KSR2: variants seen among roughly 807,000 people sequenced by gnomAD.
KSR2 encodes kinase suppressor of ras 2.
Under a neutral mutation model 107.8 loss-of-function variants are expected in KSR2, and 25 were observed. That is an observed-to-expected ratio of 0.23 (90% confidence interval 0.17 to 0.32). KSR2 has a LOEUF of 0.32. Ranked by LOEUF, KSR2 falls within the 10% of genes least tolerant of loss-of-function variation. KSR2 has a pLI of 1.00. For missense variants in KSR2, 887 were observed against 1,268.9 expected (o/e 0.70, Z 4.57); for synonymous variants, 480 against 507.0 (o/e 0.95, Z 0.71).
chr12:117,846,992 G>A (rs1033216824), intron 3 of KSR2, among the ~76,000 whole-genome samples: 1 of 152,238 alleles, frequency 6.6e-6, no homozygotes, highest in Admixed American at 6.5e-5. Flanking sequence ...GCGCCTAAGC[G>A]CGTTCGCATC....
At chr12:117,688,219 A>C (rs1885659666) in intron 4 of KSR2, among the ~76,000 whole-genome samples, 1 of 152,310 alleles carries the variant, frequency 6.6e-6, no homozygotes, top group South Asian at 2.1e-4. Context: ...GTCTCTACGA[A>C]AAATACAAAA....
intron 9 of KSR2, among the ~76,000 whole-genome samples, chr12:117,549,724 G>A (rs1877153925): frequency 6.6e-6 from 1 of 152,146 alleles, no homozygotes; most frequent in Admixed American, 6.5e-5. Context: ...ACTCATCTTG[G>A]AATCTGCAAA....
At chr12:117,660,021 C>T (rs530299712) in intron 5 of KSR2, among the ~76,000 whole-genome samples, 3 of 152,166 alleles carry the variant, frequency 2.0e-5, no homozygotes, top group Non-Finnish European at 4.4e-5. Flanking sequence ...TTCTCTCCCC[C>T]ACATCAGGCT....
chr12:117,619,743 T>C (rs1051683552), intron 5 of KSR2, among the ~76,000 whole-genome samples: 9 of 151,642 alleles, frequency 5.9e-5, no homozygotes, highest in African/African-American at 2.2e-4. Flanking sequence ...ATGAGGCCAA[T>C]TAATCATCTC....
chr12:117,711,069 T>C (rs1053365169), intron 4 of KSR2, among the ~76,000 whole-genome samples: 1 of 152,246 alleles, frequency 6.6e-6, no homozygotes, highest in Non-Finnish European at 1.5e-5. Flanking sequence ...CTCATTGCAC[T>C]CTACATTTTC....
At chr12:117,469,551 A>G (rs1871316790) in intron 19 of KSR2, 111 bp downstream of exon 19, 4 of 1,306,180 alleles carry the variant, frequency 3.1e-6, no homozygotes, top group Non-Finnish European at 4.3e-6. Flanking sequence ...GGGTGGGCAC[A>G]TGGATAGGAG....
At chr12:117,731,996 A>T (rs997703738) in intron 4 of KSR2, among the ~76,000 whole-genome samples, 9 of 149,394 alleles carry the variant, frequency 6.0e-5, no homozygotes, top group African/African-American at 1.2e-4. Flanking sequence ...ACCCTGCCAA[A>T]TCCCCCTCTC....
At chr12:117,615,443 T>G (rs1881826118) in intron 5 of KSR2, among the ~76,000 whole-genome samples, 1 of 152,124 alleles carries the variant, frequency 6.6e-6, no homozygotes, top group South Asian at 2.1e-4. Flanking sequence ...AAGTCTTCAG[T>G]CTTCAGTAAG....
chr12:117,792,028 G>A (rs1890269025), intron 3 of KSR2, among the ~76,000 whole-genome samples: 1 of 152,062 alleles, frequency 6.6e-6, no homozygotes, highest in African/African-American at 2.4e-5. Context: ...AGATGCAAAG[G>A]GAGCAATGAT....
intron 3 of KSR2, among the ~76,000 whole-genome samples, chr12:117,853,384 C>T (rs921703719): frequency 9.9e-5 from 15 of 152,096 alleles, no homozygotes; most frequent in African/African-American, 3.6e-4. Flanking sequence ...ACTCTGTGGG[C>T]CAGGCTGGAG....
intron 3 of KSR2, among the ~76,000 whole-genome samples, chr12:117,763,475 A>G (rs1282395568): frequency 1.3e-5 from 2 of 152,214 alleles, no homozygotes; most frequent in Non-Finnish European, 2.9e-5. Flanking sequence ...TAAGAGCTCT[A>G]AATGCATAAA....
chr12:117,628,652 G>A (rs1380808154), intron 5 of KSR2, among the ~76,000 whole-genome samples: 2 of 152,156 alleles, frequency 1.3e-5, no homozygotes, highest in South Asian at 2.1e-4. Flanking sequence ...TAGGCTACAC[G>A]GGAGTCAGGG....
At chr12:117,581,195 C>T (rs1277138690) in intron 6 of KSR2, among the ~76,000 whole-genome samples, 2 of 152,164 alleles carry the variant, frequency 1.3e-5, no homozygotes, top group Admixed American at 6.5e-5. Flanking sequence ...GAGTCCCCAT[C>T]GTGAGAATGC....
intron 3 of KSR2, among the ~76,000 whole-genome samples, chr12:117,809,644 T>C (rs1000166571): frequency 1.3e-5 from 2 of 152,216 alleles, no homozygotes; most frequent in African/African-American, 4.8e-5. Context: ...TGCCACTCAC[T>C]GAAATTATAT....
At chr12:117,655,059 G>A (rs1376467158) in intron 5 of KSR2, among the ~76,000 whole-genome samples, 1 of 152,206 alleles carries the variant, frequency 6.6e-6, no homozygotes, top group East Asian at 1.9e-4. Context: ...CATTCCTCAG[G>A]GTGATCAGCC....
intron 2 of KSR2, among the ~76,000 whole-genome samples, chr12:117,857,374 A>G (rs2137232815): frequency 6.6e-6 from 1 of 152,300 alleles, no homozygotes; most frequent in Admixed American, 6.5e-5. Flanking sequence ...ATCTGAAGGT[A>G]CAGAATGACT....
chr12:117,520,934 C>A (rs1874719841), intron 14 of KSR2, among the ~76,000 whole-genome samples: 2 of 152,100 alleles, frequency 1.3e-5, no homozygotes, highest in Non-Finnish European at 2.9e-5. Flanking sequence ...AGGGACGCTG[C>A]CAAACATCCT....
chr12:117,469,608 G>A (rs1871321256), intron 19 of KSR2, 54 bp downstream of exon 19: 3 of 1,589,664 alleles, frequency 1.9e-6, no homozygotes, highest in Admixed American at 3.5e-5. Flanking sequence ...TCAAAAAGGT[G>A]ACAAAGGGCA....
intron 7 of KSR2, among the ~76,000 whole-genome samples, chr12:117,568,277 A>T (rs1878657517): frequency 6.6e-6 from 1 of 152,170 alleles, no homozygotes; most frequent in South Asian, 2.1e-4. Context: ...GAACACAAAG[A>T]TCCATTTGTC....
Sources: gnomAD v4.1 joint callset for allele counts (sites outside exome capture counted in the v4.1 genomes callset) on GRCh38, gnomAD v4.1.1 for gene constraint, MANE v1.5 for transcripts, NCBI Gene and HGNC (gene_info 2026-07-23, HGNC 2026-07-21) for gene names.